VPS54: variants seen among roughly 807,000 people sequenced by gnomAD.
VPS54 encodes vacuolar protein sorting-associated protein 54.
A neutral mutation model predicts 121.5 loss-of-function variants in VPS54; 45 were observed. That is an observed-to-expected ratio of 0.37 (90% CI 0.29 to 0.47). The LOEUF (loss-of-function observed/expected upper bound fraction) is 0.47. Among genes scored for constraint, VPS54 ranks in the 20% least tolerant of loss-of-function variants. The probability of loss-of-function intolerance (pLI) is 0.99; values close to 1 mark genes in which losing one functional copy is unlikely to be tolerated. For synonymous variants in VPS54, 371 were observed against 385.8 expected (o/e 0.96, Z 0.45); for missense variants, 1,090 against 1,131.4 (o/e 0.96, Z 0.52).
chr2:64,000,559 T>C (rs1677822896), intron 1 of VPS54, among the ~76,000 whole-genome samples: 1 of 152,244 alleles, frequency 6.6e-6, no homozygotes, highest in African/African-American at 2.4e-5. Flanking sequence ...CTAATGGATT[T>C]GGGTGTTGTG....
intron 15 of VPS54, among the ~76,000 whole-genome samples, chr2:63,919,408 T>A (rs1302611359): frequency 1.3e-5 from 2 of 152,116 alleles, no homozygotes; most frequent in Non-Finnish European, 2.9e-5. Flanking sequence ...GTTATCTCTG[T>A]CTCAATTCTG....
chr2:63,984,008 A>C lies in VPS54; in HGVS notation c.-9T>G. The C allele has an allele frequency of 6.3e-7, 1 of 1,599,788 alleles. No individual in the cohort carries two copies. Among genetic ancestry groups the C allele is most frequent in the Admixed American group, 1.7e-5 (1 of 59,176 alleles). On this transcript the variant is annotated 5_prime_UTR_variant, in exon 2 of 23. Coordinates refer to ENST00000272322, the MANE Select transcript of VPS54 (RefSeq NM_016516.3). ...CTGTGGCTTGAAGCCATTGCATAAAATCACCACTCAACTGAAAATGAGTAA... is the reference window on the plus strand; with the variant it reads ...CTGTGGCTTGAAGCCATTGCATAAACTCACCACTCAACTGAAAATGAGTAA...
intron 1 of VPS54, among the ~76,000 whole-genome samples, chr2:63,990,202 C>T (rs563457035): frequency 6.6e-6 from 1 of 152,274 alleles, no homozygotes; most frequent in East Asian, 1.9e-4. Flanking sequence ...CTCCCTTCAG[C>T]TACTCCTCCC....
At chr2:64,010,395 C>G (rs761325700) in intron 1 of VPS54, among the ~76,000 whole-genome samples, 1 of 152,088 alleles carries the variant, frequency 6.6e-6, no homozygotes, top group Non-Finnish European at 1.5e-5. Flanking sequence ...AAAACTTAAC[C>G]ACACTGTAAT....
At chr2:64,007,578 T>A (rs186234079) in intron 1 of VPS54, among the ~76,000 whole-genome samples, 1,867 of 152,242 alleles carry the variant, frequency 0.012, 17 homozygotes, top group Non-Finnish European at 0.015. Context: ...GGAGAAAAAA[T>A]ATTCTTGTAG....
chr2:63,975,172 A>C, intron 3 of VPS54: 1 of 685,128 alleles, frequency 1.5e-6, no homozygotes, highest in Non-Finnish European at 2.3e-6. Flanking sequence ...CAGCCTCCCA[A>C]GTAGCTGAAA....
rs954869107 is a variant in VPS54 at position 63,916,973 on chromosome 2, T to A, written c.2165-10A>T. 1.6e-5 allele frequency: 26 copies of A among 1,613,010 alleles called. No homozygotes were observed. Among genetic ancestry groups the A allele is most frequent in the Non-Finnish European group, 2.2e-5 (26 of 1,179,344 alleles). ...TTCCTTTCTTCTGTGGCTACAGAGT[T>A]AAGCAAATAAACGAGAGACAAGAGT... is the stretch of plus-strand genomic sequence containing the variant. On this transcript the variant is annotated splice_polypyrimidine_tract_variant and intron_variant, in intron 15 of 22. Transcript: ENST00000272322.
intron 3 of VPS54, among the ~76,000 whole-genome samples, chr2:63,972,485 C>T (rs1195588333): frequency 6.6e-6 from 1 of 152,092 alleles, no homozygotes; most frequent in Non-Finnish European, 1.5e-5. Context: ...ATAGTAAAAT[C>T]TCCATATGTA....
At chr2:63,972,265 A>C (rs1488165383) in intron 3 of VPS54, 21 bp from the exon 4 acceptor site, 2 of 1,526,002 alleles carry the variant, frequency 1.3e-6, no homozygotes, top group African/African-American at 2.7e-5. Context: ...GACAAATAAC[A>C]TCATCAATGT....
chr2:63,940,203 T>C (rs751301364), intron 11 of VPS54, among the ~76,000 whole-genome samples: 28 of 152,206 alleles, frequency 1.8e-4, no homozygotes, highest in Non-Finnish European at 3.1e-4. Context: ...ATCTGGGTTC[T>C]TTCCAATTTT....
intron 1 of VPS54, among the ~76,000 whole-genome samples, chr2:63,991,587 C>G (rs1276952090): frequency 1.3e-5 from 2 of 152,190 alleles, no homozygotes; most frequent in Non-Finnish European, 2.9e-5. Context: ...AGCGGCCAAG[C>G]CGGCTCAACA....
intron 16 of VPS54, among the ~76,000 whole-genome samples, chr2:63,916,655 T>C (rs1360682590): frequency 6.6e-6 from 1 of 152,120 alleles, no homozygotes; most frequent in Non-Finnish European, 1.5e-5. Context: ...TTTCTTGTTA[T>C]ATGAGAAAAA....
intron 1 of VPS54, among the ~76,000 whole-genome samples, chr2:63,987,487 T>C (rs970787026): frequency 2.0e-5 from 3 of 152,028 alleles, no homozygotes; most frequent in African/African-American, 7.2e-5. Flanking sequence ...TTTTTTTGCA[T>C]AGGATAGCTT....
intron 7 of VPS54, among the ~76,000 whole-genome samples, chr2:63,949,511 C>A (rs1259987447): frequency 2.0e-5 from 3 of 152,116 alleles, no homozygotes; most frequent in Admixed American, 2.0e-4. Flanking sequence ...TGAACACATT[C>A]TTTTCTATAT....
chr2:63,927,914 T>C (rs1245890155), intron 12 of VPS54, among the ~76,000 whole-genome samples: 1 of 152,054 alleles, frequency 6.6e-6, no homozygotes, highest in Non-Finnish European at 1.5e-5. Flanking sequence ...AGGGTATCAG[T>C]GACTGAAGAT....
Position 63,992,763 on chromosome 2 carries a change from G to A in VPS54, c.-20-8744C>T, listed in dbSNP as rs113638924. ...TAAACCTATAGGAGCCTTCCAACTC[G>A]GCATGCCTGCCCCTGCTTTAATACC... is the stretch of plus-strand genomic sequence containing the variant. On this transcript the variant is annotated intron_variant, in intron 1 of 22. Transcript: ENST00000272322. 2.4e-3 allele frequency among the ~76,000 whole-genome samples: 368 copies of A among 152,320 alleles called. 3 individuals are homozygous for A. Among genetic ancestry groups the A allele is most frequent in the Non-Finnish European group, 3.5e-3 (241 of 68,038 alleles).
At chr2:63,932,509 G>A (rs1257983515) in intron 12 of VPS54, among the ~76,000 whole-genome samples, 2 of 152,090 alleles carry the variant, frequency 1.3e-5, no homozygotes, top group Non-Finnish European at 2.9e-5. Context: ...GCCTGTGAAG[G>A]GTGGAGGGCT....
At chr2:63,944,576 A>G (rs374407504) in intron 10 of VPS54, 24 bp downstream of exon 10, 3 of 1,587,480 alleles carry the variant, frequency 1.9e-6, no homozygotes, top group Non-Finnish European at 2.6e-6. Context: ...ACTGATAACC[A>G]CCAACCTATA....
intron 22 of VPS54, 147 bp downstream of exon 22, chr2:63,897,349 G>A (rs1276837728): frequency 5.2e-6 from 3 of 575,430 alleles, no homozygotes; most frequent in African/African-American, 4.0e-5. Flanking sequence ...TATTTCCACA[G>A]GGGAAAAAAA....
Sources: allele counts gnomAD v4.1 joint callset (sites outside exome capture counted in the v4.1 genomes callset), GRCh38; gene constraint gnomAD v4.1.1; transcripts MANE v1.5; gene names NCBI Gene and HGNC (gene_info 2026-07-23, HGNC 2026-07-21).